Variants in TOM1L1 observed in about 807,000 individuals in gnomAD.
TOM1L1 encodes the protein TOM1-like protein 1.
Under a neutral mutation model 63.4 loss-of-function variants are expected in TOM1L1, and 64 were observed. That is an observed-to-expected ratio of 1.01 (90% CI 0.83 to 1.24). The LOEUF (loss-of-function observed/expected upper bound fraction) is 1.24. TOM1L1 is among the 50% of genes most tolerant of loss of function. The pLI is 0.00. For synonymous variants in TOM1L1, 166 were observed against 194.4 expected (o/e 0.85, Z 1.22); for missense variants, 536 against 567.0 (o/e 0.95, Z 0.55).
intron 1 of TOM1L1, chr17:54,901,188 C>T (rs1337672971): frequency 3.6e-6 from 2 of 550,788 alleles, no homozygotes; most frequent in South Asian, 2.3e-5. Context: ...ACAGGTGAAC[C>T]GCGGGAGTCA....
At chr17:54,929,630 G>A (rs995598485) in intron 7 of TOM1L1, among the ~76,000 whole-genome samples, 1 of 151,956 alleles carries the variant, frequency 6.6e-6, no homozygotes, top group Non-Finnish European at 1.5e-5. Flanking sequence ...TAGTTATAGA[G>A]TTCCTCATTA....
At chr17:54,952,373 C>A (rs2143984381) in intron 14 of TOM1L1, 1 of 151,852 alleles carries the variant, frequency 6.6e-6, no homozygotes, top group Middle Eastern at 3.4e-3. Context: ...ATGGTGAAAC[C>A]CCGTCTCTAC....
intron 12 of TOM1L1, 50 bp downstream of exon 12, chr17:54,947,362 G>A: frequency 6.3e-7 from 1 of 1,578,456 alleles, no homozygotes; most frequent in Non-Finnish European, 8.7e-7. Flanking sequence ...GCAGATTATT[G>A]TAGCCAGAAA....
chr17:54,959,959 GTTTT>G (rs1317486223), intron 14 of TOM1L1, among the ~76,000 whole-genome samples: 1 of 152,022 alleles, frequency 6.6e-6, no homozygotes, highest in Non-Finnish European at 1.5e-5. Flanking sequence ...AAACTGAGGA[GTTTT>G]TTAAGCAAAA....
At chr17:54,953,544 C>CT (rs368585494) in intron 14 of TOM1L1, 5 of 152,308 alleles carry the variant, frequency 3.3e-5, no homozygotes, top group African/African-American at 1.2e-4. Flanking sequence ...CCTTCCCTCT[C>CT]TGGGGATGAT....
intron 7 of TOM1L1, among the ~76,000 whole-genome samples, chr17:54,929,744 T>TTTTTG (rs1434379426): frequency 1.3e-5 from 2 of 151,580 alleles, no homozygotes; most frequent in Non-Finnish European, 2.9e-5. Context: ...AACATGTGTT[T>TTTTTG]TTTTTTTTTT....
chr17:54,901,182 G>A, intron 1 of TOM1L1: 1 of 559,644 alleles, frequency 1.8e-6, no homozygotes, highest in Non-Finnish European at 3.2e-6. Context: ...AACCAAACAG[G>A]TGAACCGCGG....
chr17:54,938,825 CTTTTTCTTTTTTCTTTTTTTTTG>C, intron 10 of TOM1L1, 76 bp from the exon 11 acceptor site: 1 of 563,416 alleles, frequency 1.8e-6, no homozygotes, highest in Non-Finnish European at 2.9e-6. Context: ...TTTTTTTTTT[CTTTTTCTTTTTTCTTTTTTTTTG>C]TTTTTACTGT....
At chr17:54,940,054 C>G (rs1217173809) in intron 11 of TOM1L1, among the ~76,000 whole-genome samples, 1 of 152,058 alleles carries the variant, frequency 6.6e-6, no homozygotes, top group South Asian at 2.1e-4. Flanking sequence ...TGCCCCAATG[C>G]CCAACTAATT....
Position 54,914,565 on chromosome 17 carries a change from C to G in TOM1L1, c.499-74C>G. 2 of 1,211,988 alleles carry G rather than the reference C, an allele frequency of 1.7e-6. 1 individual carries two copies. 75.1% of individuals were successfully genotyped at this position (1,211,988 alleles called of 1,614,324 possible). A position where few individuals can be genotyped will look rare whatever the true frequency, so the allele number is the denominator to read the frequency against. ...AGGACTTTGAGAGTGCTTGAGTTAG[C>G]TGAATGGAAAAAACTTGGCGTTGGG... is the stretch of plus-strand genomic sequence containing the variant. On this transcript the variant is annotated intron_variant, in intron 5 of 15. Transcript: ENST00000575882.
rs1598055932 is a variant in TOM1L1 at position 54,949,910 on chromosome 17, G to A, written c.1289-135G>A. On this transcript the variant is annotated intron_variant, in intron 13 of 15. Transcript: ENST00000575882. Reference sequence around the variant, plus strand: ...TACAGATTTGTTGAACTTGGGAGTAGCATTGGGACACCAGTCTGTTTTGGT... The same window carrying A: ...TACAGATTTGTTGAACTTGGGAGTAACATTGGGACACCAGTCTGTTTTGGT... 9.9e-6 allele frequency: 7 copies of A among 707,956 alleles called. No individual in the cohort carries two copies. In the East Asian group the frequency reaches 1.9e-4, roughly 19 times the overall value. 43.9% of individuals were successfully genotyped at this position (707,956 alleles called of 1,614,324 possible).
At chr17:54,938,739 C>T (rs1433919912) in intron 10 of TOM1L1, 185 bp from the exon 11 acceptor site, 2 of 477,626 alleles carry the variant, frequency 4.2e-6, no homozygotes, top group South Asian at 3.6e-5. Context: ...TTTAATTTCT[C>T]TTAGAGCTAG....
intron 7 of TOM1L1, among the ~76,000 whole-genome samples, chr17:54,921,062 T>C (rs1365506826): frequency 1.3e-5 from 2 of 151,836 alleles, no homozygotes; most frequent in African/African-American, 4.8e-5. Context: ...ATAGAAGGGG[T>C]TTTTGCTCCA....
chr17:54,932,183 C>T (rs1362819357), intron 8 of TOM1L1, among the ~76,000 whole-genome samples: 1 of 152,062 alleles, frequency 6.6e-6, no homozygotes, highest in South Asian at 2.1e-4. Flanking sequence ...GAGCCGAGCT[C>T]CCCGAGTGAG....
At chr17:54,915,704 T>C (rs756656666) in intron 6 of TOM1L1, 42 bp from the exon 7 acceptor site, 3 of 1,368,276 alleles carry the variant, frequency 2.2e-6, no homozygotes, top group Non-Finnish European at 3.0e-6. Context: ...GTAGTTATTC[T>C]TTGTGTGTCG....
chr17:54,924,540 C>T (rs1403349861), intron 7 of TOM1L1, among the ~76,000 whole-genome samples: 1 of 152,112 alleles, frequency 6.6e-6, no homozygotes. Flanking sequence ...TGTTACTCTC[C>T]TGAGAAGTCT....
In TOM1L1 at chr17:54,943,441, GGTGTGTGTGTGT is replaced by G. The variant is rs10694555; in HGVS notation, c.1131-3792_1131-3781del. On this transcript the variant is annotated intron_variant, in intron 11 of 15. Coordinates refer to ENST00000575882, the MANE Select transcript of TOM1L1 (RefSeq NM_005486.3). Reference sequence around the variant, plus strand: ...GATTTTGACTGTATCTTTGTATAATGGTGTGTGTGTGTGTGTGTGTGTGTGTGTGTGTGTGTG... The same window carrying G: ...GATTTTGACTGTATCTTTGTATAATGGTGTGTGTGTGTGTGTGTGTGTGTG... 2.4e-3 allele frequency among the ~76,000 whole-genome samples: 320 copies of G among 134,440 alleles called. 2 individuals are homozygous for G. Among genetic ancestry groups the G allele is most frequent in the Non-Finnish European group, 3.9e-3 (251 of 63,596 alleles). The allele number at this position is 134,440 out of a possible 152,430, so 88.2% of individuals were successfully genotyped here. A position where few individuals can be genotyped will look rare whatever the true frequency, so the allele number is the denominator to read the frequency against.
intron 14 of TOM1L1, chr17:54,954,441 A>G (rs2049389517): frequency 6.6e-6 from 1 of 152,236 alleles, no homozygotes; most frequent in South Asian, 2.1e-4. Context: ...CGTTCCCACT[A>G]TGAGTGGTGC....
chr17:54,930,231 AC>A, intron 8 of TOM1L1, 25 bp downstream of exon 8: 1 of 1,612,746 alleles, frequency 6.2e-7, no homozygotes, highest in South Asian at 1.1e-5. Context: ...TACCCTCTTT[AC>A]CCCTCTTCCA....
Sources: gnomAD v4.1 joint callset for allele counts (sites outside exome capture counted in the v4.1 genomes callset) on GRCh38, gnomAD v4.1.1 for gene constraint, MANE v1.5 for transcripts, NCBI Gene and HGNC (gene_info 2026-07-23, HGNC 2026-07-21) for gene names.